The following GABRB2 variants were observed in gnomAD, a reference collection of about 807,000 sequenced individuals.
GABRB2 encodes gamma-aminobutyric acid type A receptor subunit beta2.
GABRB2 carries 16 observed loss-of-function variants against 54.7 expected under a neutral mutation model. The ratio of observed to expected loss-of-function variants is 0.29; its 90% CI spans 0.20 to 0.44. GABRB2 has a LOEUF of 0.44. Among genes scored for constraint, GABRB2 ranks in the 20% least tolerant of loss-of-function variants. The pLI is 1.00. For missense variants in GABRB2, 355 were observed against 644.0 expected (o/e 0.55, Z 4.86); for synonymous variants, 244 against 233.8 (o/e 1.04, Z -0.40).
chr5:161,317,585 T>C (rs955704311), intron 9 of GABRB2, among the ~76,000 whole-genome samples: 1 of 152,180 alleles, frequency 6.6e-6, no homozygotes, highest in Admixed American at 6.5e-5. Context: ...GAAGAGCATA[T>C]GCTTAACCTA....
intron 3 of GABRB2, among the ~76,000 whole-genome samples, chr5:161,490,522 T>A (rs538860872): frequency 2.0e-5 from 3 of 151,824 alleles, no homozygotes; most frequent in African/African-American, 7.2e-5. Context: ...TGAGATATTA[T>A]AAGTCATTAA....
chr5:161,546,189 T>C, intron 2 of GABRB2, 133 bp downstream of exon 2: 1 of 697,318 alleles, frequency 1.4e-6, no homozygotes, highest in Middle Eastern at 3.4e-4. Context: ...GATCAGTTTC[T>C]CAATATGGTA....
At chr5:161,308,388 T>C (rs1008636969) in intron 9 of GABRB2, among the ~76,000 whole-genome samples, 4 of 152,178 alleles carry the variant, frequency 2.6e-5, no homozygotes, top group South Asian at 2.1e-4. Flanking sequence ...TCCATGCTAA[T>C]GGATAGGAAG....
Position 161,350,632 on chromosome 5 carries a change from G to A in GABRB2, c.542-13863C>T, listed in dbSNP as rs182119617. Among the ~76,000 whole-genome samples the A allele has an allele frequency of 1.1e-3, 172 of 152,180 alleles. 1 individual carries two copies. Among genetic ancestry groups the A allele is most frequent in the Middle Eastern group, 3.4e-3 (1 of 294 alleles). ...TGTTCCTGAATATGTCTGTGAGGGC[G>A]TTGCCAAAGGAGATTAACATTTGAG... On this transcript the variant is annotated intron_variant, in intron 5 of 9. Coordinates refer to ENST00000393959, the MANE Select transcript of GABRB2 (RefSeq NM_001371727.1).
intron 5 of GABRB2, among the ~76,000 whole-genome samples, chr5:161,342,135 T>C (rs1754187729): frequency 6.6e-6 from 1 of 151,682 alleles, no homozygotes; most frequent in Admixed American, 6.6e-5. Flanking sequence ...TTTGTCATCA[T>C]AACCAATTGG....
At chr5:161,433,107 A>G (rs928756078) in intron 4 of GABRB2, among the ~76,000 whole-genome samples, 1 of 152,140 alleles carries the variant, frequency 6.6e-6, no homozygotes, top group Non-Finnish European at 1.5e-5. Context: ...TCACAGATAT[A>G]AGCTGTAACA....
intron 3 of GABRB2, among the ~76,000 whole-genome samples, chr5:161,505,210 C>G (rs571377627): frequency 4.1e-4 from 62 of 151,682 alleles, no homozygotes; most frequent in African/African-American, 1.5e-3. Flanking sequence ...CTCACTGCAA[C>G]CTCAGCCTCC....
intron 5 of GABRB2, among the ~76,000 whole-genome samples, chr5:161,349,100 A>G (rs1754394910): frequency 6.6e-6 from 1 of 152,130 alleles, no homozygotes. Context: ...GACTTCTCGC[A>G]TAGAATAAAA....
intron 5 of GABRB2, among the ~76,000 whole-genome samples, chr5:161,369,667 C>A (rs1173378146): frequency 6.6e-6 from 1 of 151,592 alleles, no homozygotes; most frequent in Non-Finnish European, 1.5e-5. Context: ...TTTTTTTAAC[C>A]CTTGGGAATA....
chr5:161,412,922 T>C (rs193254975), intron 4 of GABRB2, among the ~76,000 whole-genome samples: 1 of 152,208 alleles, frequency 6.6e-6, no homozygotes. Context: ...TGTCTGTTTT[T>C]AGAGACAGGT....
intron 5 of GABRB2, among the ~76,000 whole-genome samples, chr5:161,408,603 T>C (rs1455484906): frequency 2.6e-5 from 4 of 152,058 alleles, no homozygotes; most frequent in East Asian, 1.9e-4. Flanking sequence ...ACCCAATGTA[T>C]TGATTGTCGA....
At chr5:161,404,423 C>T (rs1259247690) in intron 5 of GABRB2, among the ~76,000 whole-genome samples, 1 of 151,880 alleles carries the variant, frequency 6.6e-6, no homozygotes, top group Non-Finnish European at 1.5e-5. Flanking sequence ...TTTAAAATAA[C>T]TCAAAGATCA....
intron 3 of GABRB2, among the ~76,000 whole-genome samples, chr5:161,530,525 C>G (rs1760421712): frequency 6.6e-6 from 1 of 152,000 alleles, no homozygotes; most frequent in East Asian, 1.9e-4. Flanking sequence ...ATATATTTGC[C>G]AGGAAATCCT....
At chr5:161,306,700 A>G (rs1231306919) in intron 9 of GABRB2, among the ~76,000 whole-genome samples, 1 of 151,966 alleles carries the variant, frequency 6.6e-6, no homozygotes, top group African/African-American at 2.4e-5. Context: ...TTGGATGGGG[A>G]GGGTACATGG....
chr5:161,504,756 T>TAA (rs554554929), intron 3 of GABRB2, among the ~76,000 whole-genome samples: 8 of 132,228 alleles, frequency 6.1e-5, no homozygotes, highest in East Asian at 2.2e-4. Context: ...TATCTGGAAT[T>TAA]AAAAAAAAAA....
chr5:161,336,961 G>A (rs1439646882), intron 5 of GABRB2, among the ~76,000 whole-genome samples, 192 bp from the exon 6 acceptor site: 1 of 152,094 alleles, frequency 6.6e-6, no homozygotes, highest in Non-Finnish European at 1.5e-5. Flanking sequence ...TCCTCATGAC[G>A]ATCTCATTAG....
intron 9 of GABRB2, among the ~76,000 whole-genome samples, chr5:161,300,043 C>G (rs1484144001): frequency 6.6e-6 from 1 of 152,134 alleles, no homozygotes; most frequent in Non-Finnish European, 1.5e-5. Context: ...ATTTCCCTTT[C>G]TTTTCCTTGT....
chr5:161,486,574 T>C (rs1475715213), intron 3 of GABRB2, among the ~76,000 whole-genome samples: 1 of 151,912 alleles, frequency 6.6e-6, no homozygotes, highest in Non-Finnish European at 1.5e-5. Context: ...CACAACAGGT[T>C]AGTCTGGAAG....
At chr5:161,477,615 T>C (rs1357774448) in intron 3 of GABRB2, among the ~76,000 whole-genome samples, 2 of 151,910 alleles carry the variant, frequency 1.3e-5, no homozygotes, top group African/African-American at 4.8e-5. Flanking sequence ...TACAACGGCA[T>C]GTTTTTCAGC....
Sources: allele counts gnomAD v4.1 joint callset (sites outside exome capture counted in the v4.1 genomes callset), GRCh38; gene constraint gnomAD v4.1.1; transcripts MANE v1.5; gene names NCBI Gene and HGNC (gene_info 2026-07-23, HGNC 2026-07-21).